The following ST3GAL1 variants were observed in gnomAD, a reference collection of about 807,000 sequenced individuals.
ST3GAL1 encodes the protein ST3 beta-galactoside alpha-2,3-sialyltransferase 1.
In ST3GAL1, 16 loss-of-function variants were observed where a neutral mutation model predicts 34.1. That is an observed-to-expected ratio of 0.47 (90% CI 0.32 to 0.71). The LOEUF (loss-of-function observed/expected upper bound fraction) is 0.71. Among genes scored for constraint, ST3GAL1 ranks in the 30% least tolerant of loss-of-function variants. ST3GAL1 has a pLI of 0.04. For synonymous variants in ST3GAL1, 191 were observed against 184.7 expected (o/e 1.03, Z -0.28); for missense variants, 353 against 447.4 (o/e 0.79, Z 1.90).
Position 133,571,095 on chromosome 8 carries a change from G to C in ST3GAL1, c.-582+598C>G, listed in dbSNP as rs143440799. Among the ~76,000 whole-genome samples the C allele has an allele frequency of 9.6e-3, 1,455 of 152,296 alleles. 25 individuals carry two copies. Among genetic ancestry groups the C allele is most frequent in the African/African-American group, 0.033 (1,391 of 41,574 alleles). On this transcript the variant is annotated intron_variant, in intron 1 of 9. Coordinates refer to ENST00000522652, the MANE Select transcript of ST3GAL1 (RefSeq NM_173344.3). This position sits in a 1 kb window ranked among gnomAD's most constrained non-coding sequence, Gnocchi z 6.7. ...GCGCTCTGACGGCGTCCCCGGGGCCGATAGCCACCTCCCGGATCTGCGCCT... is the reference window on the plus strand; with the variant it reads ...GCGCTCTGACGGCGTCCCCGGGGCCCATAGCCACCTCCCGGATCTGCGCCT...
At chr8:133,527,618 A>G (rs1029559550) in intron 2 of ST3GAL1, among the ~76,000 whole-genome samples, 3 of 152,216 alleles carry the variant, frequency 2.0e-5, no homozygotes, top group African/African-American at 7.2e-5. Context: ...TGTCATGACA[A>G]TTAAATGACA....
intron 1 of ST3GAL1, among the ~76,000 whole-genome samples, chr8:133,546,723 G>A (rs539371567): frequency 2.0e-5 from 3 of 152,078 alleles, no homozygotes; most frequent in African/African-American, 7.2e-5. Context: ...ATCTGGCAGG[G>A]TGCGGTGGCT....
chr8:133,529,876 T>C (rs1252137279), intron 2 of ST3GAL1, among the ~76,000 whole-genome samples: 1 of 152,162 alleles, frequency 6.6e-6, no homozygotes, highest in Non-Finnish European at 1.5e-5. Context: ...CATCTTTCTC[T>C]TCTCAGTGTT....
At chr8:133,460,716 G>A (rs965757273) in intron 9 of ST3GAL1, among the ~76,000 whole-genome samples, 5 of 152,182 alleles carry the variant, frequency 3.3e-5, no homozygotes, top group African/African-American at 7.2e-5. Context: ...CAGGGCTCCC[G>A]CAGCACAGAG....
rs1586580912 is a variant in ST3GAL1 at position 133,461,788 on chromosome 8, A to C, written c.849+87T>G. On this transcript the variant is annotated intron_variant, in intron 9 of 9. Transcript: ENST00000522652. The surrounding 1 kb of genome is among the most constrained non-coding windows in gnomAD (Gnocchi z 4.7). ...CTTCCGGAAGAGGCAGGCTAGGTCTACCTGCCCTCCCCCTCCCTGGCCTCT... is the reference window on the plus strand; with the variant it reads ...CTTCCGGAAGAGGCAGGCTAGGTCTCCCTGCCCTCCCCCTCCCTGGCCTCT... 5 of 1,573,508 alleles carry C rather than the reference A, an allele frequency of 3.2e-6. No individual in the cohort carries two copies. Among genetic ancestry groups the C allele is most frequent in the Non-Finnish European group, 4.3e-6 (5 of 1,154,176 alleles).
At chr8:133,550,929 C>G (rs1431365042) in intron 1 of ST3GAL1, among the ~76,000 whole-genome samples, 3 of 152,186 alleles carry the variant, frequency 2.0e-5, no homozygotes, top group African/African-American at 7.2e-5. Flanking sequence ...TAGCAGCAAA[C>G]TAGAAGTAAA....
chr8:133,501,540 G>T (rs974556022), intron 2 of ST3GAL1, among the ~76,000 whole-genome samples: 4 of 147,036 alleles, frequency 2.7e-5, no homozygotes, highest in Non-Finnish European at 6.0e-5. Context: ...TTGAGGTTAG[G>T]AGTTCAAAGA....
rs1331768020 is a variant in ST3GAL1 at position 133,508,120 on chromosome 8, T to C, written c.-428-8931A>G. Among the ~76,000 whole-genome samples, 2 of 152,144 alleles carry C rather than the reference T, an allele frequency of 1.3e-5. No homozygotes were observed. The highest frequency in any genetic ancestry group is 2.9e-5 in the Non-Finnish European group (2 of 68,026). ...TTCAGTTTCCCCCACTGATGGTAAG[T>C]ACTAGAGTTGAAAAAAAGGCATCTT... On this transcript the variant is annotated intron_variant, in intron 2 of 9. Transcript: ENST00000522652. This position sits in a 1 kb window ranked among gnomAD's most constrained non-coding sequence, Gnocchi z 4.1.
At chr8:133,541,154 C>CAGAGAG (rs1818517492) in intron 2 of ST3GAL1, among the ~76,000 whole-genome samples, 1 of 41,220 alleles carries the variant, frequency 2.4e-5, no homozygotes, top group Non-Finnish European at 5.0e-5. Flanking sequence ...GAGAGAGAGA[C>CAGAGAG]TGTGTGTCTC....
At chr8:133,524,198 C>A (rs1465098709) in intron 2 of ST3GAL1, among the ~76,000 whole-genome samples, 1 of 152,246 alleles carries the variant, frequency 6.6e-6, no homozygotes, top group Non-Finnish European at 1.5e-5. Flanking sequence ...AAACCTACCT[C>A]TTAAGCTTTT....
chr8:133,491,573 G>A (rs1448880670), intron 3 of ST3GAL1, among the ~76,000 whole-genome samples: 3 of 152,262 alleles, frequency 2.0e-5, no homozygotes, highest in Middle Eastern at 3.4e-3. Flanking sequence ...TCCCTAGTCC[G>A]TGACTTCACG....
chr8:133,563,155 C>T (rs1418765008), intron 1 of ST3GAL1, among the ~76,000 whole-genome samples: 1 of 152,100 alleles, frequency 6.6e-6, no homozygotes, highest in Non-Finnish European at 1.5e-5. Flanking sequence ...AAATCTATTA[C>T]AGTGCTATCT....
chr8:133,562,842 C>CTTCCTTTCTT (rs2131111571), intron 1 of ST3GAL1, among the ~76,000 whole-genome samples: 5 of 66,408 alleles, frequency 7.5e-5, no homozygotes, highest in African/African-American at 3.3e-4. Context: ...TCCTTCCTTC[C>CTTCCTTTCTT]TTTCTTTCTT....
chr8:133,552,436 T>C (rs1014589403), intron 1 of ST3GAL1, among the ~76,000 whole-genome samples: 3 of 152,174 alleles, frequency 2.0e-5, no homozygotes, highest in Admixed American at 1.3e-4. Flanking sequence ...AGCAGAGCCG[T>C]TGGCTGGGCT....
intron 2 of ST3GAL1, among the ~76,000 whole-genome samples, chr8:133,523,501 T>C (rs1176426289): frequency 6.6e-6 from 1 of 152,196 alleles, no homozygotes; most frequent in Non-Finnish European, 1.5e-5. Context: ...ATGCTTAAAG[T>C]GGCAGCTACT....
intron 2 of ST3GAL1, among the ~76,000 whole-genome samples, chr8:133,515,106 C>T (rs969316320): frequency 1.3e-5 from 2 of 152,192 alleles, no homozygotes; most frequent in Admixed American, 1.3e-4. Flanking sequence ...CTGGACCTCT[C>T]TGCTCTCCCA....
intron 2 of ST3GAL1, among the ~76,000 whole-genome samples, chr8:133,528,253 A>G (rs1007364718): frequency 9.9e-5 from 15 of 152,076 alleles, no homozygotes; most frequent in Non-Finnish European, 2.2e-4. Flanking sequence ...GCCCCCAGAG[A>G]CCACACCAAG....
chr8:133,521,444 G>T (rs1044009598), intron 2 of ST3GAL1, among the ~76,000 whole-genome samples: 1 of 152,104 alleles, frequency 6.6e-6, no homozygotes, highest in Non-Finnish European at 1.5e-5. Context: ...GATTACAGGC[G>T]CCTGCCACCG....
rs781471893 is a variant in ST3GAL1 at position 133,459,857 on chromosome 8, A to C, written c.930T>G (p.Phe310Leu). 6.2e-7 allele frequency: 1 copy of C among 1,614,160 alleles called. No homozygotes were observed. The highest frequency in any genetic ancestry group is 8.5e-7 in the Non-Finnish European group (1 of 1,180,026). ...CTGCATCGTGCACCCCCGTCTTGCG[A>C]AAAGCCCCCGCGGATGGGTTGTTCT... Reference protein sequence around the residue: ...YWENNPSAGAFRKTGVHDADF... With the variant: ...YWENNPSAGALRKTGVHDADF... The change falls in exon 10 of 10, where the codon TTT (phenylalanine) becomes TTG (leucine). Residue 310 changes from phenylalanine to leucine, a missense_variant. Physicochemically the swap from Phe to Leu is conservative, Grantham distance 22. Coordinates refer to ENST00000522652, the MANE Select transcript of ST3GAL1 (RefSeq NM_173344.3). This position sits in a 1 kb window ranked among gnomAD's most constrained non-coding sequence, Gnocchi z 4.7.
Sources: gnomAD v4.1 joint callset for allele counts (sites outside exome capture counted in the v4.1 genomes callset) on GRCh38, gnomAD v4.1.1 for gene constraint, Gnocchi (gnomAD v3.1) non-coding constraint, MANE v1.5 for transcripts, NCBI Gene and HGNC (gene_info 2026-07-23, HGNC 2026-07-21) for gene names.